The following GABRB1 variants were observed in gnomAD, a reference collection of about 807,000 sequenced individuals.
The protein encoded by GABRB1 is gamma-aminobutyric acid type A receptor subunit beta1.
A neutral mutation model predicts 51.6 loss-of-function variants in GABRB1; 17 were observed. The observed-to-expected ratio is 0.33, with a 90% CI of 0.23 to 0.49. GABRB1 has a LOEUF of 0.49. Among genes scored for constraint, GABRB1 ranks in the 20% least tolerant of loss-of-function variants. The probability of loss-of-function intolerance (pLI) is 0.99; values close to 1 mark genes in which losing one functional copy is unlikely to be tolerated. For missense variants in GABRB1, 410 were observed against 600.6 expected (o/e 0.68, Z 3.32); for synonymous variants, 247 against 218.9 (o/e 1.13, Z -1.14).
At position 47,125,102 on chromosome 4, in the gene GABRB1, G is replaced by A. The variant is rs559849188; in HGVS notation, c.241-36147G>A. Among the ~76,000 whole-genome samples, 187 of 152,222 alleles carry A rather than the reference G, an allele frequency of 1.2e-3. 1 individual carries two copies. Among genetic ancestry groups the A allele is most frequent in the African/African-American group, 3.8e-3 (158 of 41,546 alleles). On this transcript the variant is annotated intron_variant, in intron 3 of 8. Transcript: ENST00000295454. The stretch of plus-strand genomic sequence containing the variant: ...CAAGCAAGTAAAACACCACATAAAA[G>A]GGCATTTTCATGAGTCTATCGCAGA...
At chr4:47,128,412 T>C (rs573105156) in intron 3 of GABRB1, among the ~76,000 whole-genome samples, 16 of 151,970 alleles carry the variant, frequency 1.1e-4, no homozygotes, top group Non-Finnish European at 2.1e-4. Flanking sequence ...TAGAAAAACC[T>C]CTACCTAGAT....
intron 5 of GABRB1, among the ~76,000 whole-genome samples, chr4:47,390,299 C>A (rs951737404): frequency 1.2e-4 from 18 of 152,350 alleles, no homozygotes; most frequent in Admixed American, 1.0e-3. Flanking sequence ...TGGGTTACAA[C>A]TGCTCCACAA....
At chr4:47,052,085 G>T (rs184319190) in intron 3 of GABRB1, among the ~76,000 whole-genome samples, 27 of 152,212 alleles carry the variant, frequency 1.8e-4, no homozygotes, top group Admixed American at 7.9e-4. Context: ...AGCCGAGATT[G>T]TGCCACTGCA....
intron 4 of GABRB1, among the ~76,000 whole-genome samples, chr4:47,279,735 C>T (rs1445157643): frequency 6.6e-6 from 1 of 151,902 alleles, no homozygotes; most frequent in East Asian, 1.9e-4. Flanking sequence ...TCCCTCCTCC[C>T]CCAATTTTGG....
At chr4:47,235,347 G>A (rs920166115) in intron 4 of GABRB1, among the ~76,000 whole-genome samples, 10 of 152,122 alleles carry the variant, frequency 6.6e-5, no homozygotes, top group Non-Finnish European at 1.2e-4. Flanking sequence ...GTCAGAAGTT[G>A]AAGACCATCC....
chr4:47,335,251 C>T (rs970087683), intron 5 of GABRB1, among the ~76,000 whole-genome samples: 2 of 151,654 alleles, frequency 1.3e-5, no homozygotes, highest in African/African-American at 4.9e-5. Flanking sequence ...TGCATTCACT[C>T]AGTATCCAGT....
intron 4 of GABRB1, among the ~76,000 whole-genome samples, chr4:47,238,418 A>G (rs1721404755): frequency 6.6e-6 from 1 of 152,142 alleles, no homozygotes; most frequent in Non-Finnish European, 1.5e-5. Flanking sequence ...CTTTTAAATC[A>G]CTTCAGAGAA....
At chr4:47,203,738 A>G (rs1719998811) in intron 4 of GABRB1, among the ~76,000 whole-genome samples, 1 of 152,014 alleles carries the variant, frequency 6.6e-6, no homozygotes, top group Non-Finnish European at 1.5e-5. Context: ...ATTGCCATGC[A>G]TATTGATTTT....
intron 5 of GABRB1, among the ~76,000 whole-genome samples, chr4:47,353,147 G>C (rs112363710): frequency 6.6e-6 from 1 of 152,082 alleles, no homozygotes; most frequent in Non-Finnish European, 1.5e-5. Flanking sequence ...AACAGTATGG[G>C]GGAAACCACC....
intron 4 of GABRB1, among the ~76,000 whole-genome samples, chr4:47,230,022 T>C (rs568563616): frequency 2.6e-5 from 4 of 152,188 alleles, no homozygotes; most frequent in Non-Finnish European, 5.9e-5. Flanking sequence ...GGGTACTTTA[T>C]TGGGTTGTGC....
intron 5 of GABRB1, among the ~76,000 whole-genome samples, chr4:47,366,304 T>G (rs1189518843): frequency 6.6e-6 from 1 of 152,202 alleles, no homozygotes; most frequent in Non-Finnish European, 1.5e-5. Context: ...ATGTATTGTC[T>G]CTCACTCAGG....
rs1487534258 is a variant in GABRB1 at position 47,031,986 on chromosome 4, C to T, written c.153C>T (p.Arg51=). The change falls in exon 2 of 9, where the codon CGC becomes CGT. Residue 51 remains arginine (R), a synonymous_variant. Transcript: ENST00000295454. ...GATTGCTCAAAGGATATGACATTCG[C>T]TTGCGGCCGGACTTCGGAGGTAACG... ...VDRLLKGYDI[R]LRPDFGGPPV... The T allele has an allele frequency of 6.2e-7, 1 of 1,612,596 alleles. No homozygotes were observed. Among genetic ancestry groups the T allele is most frequent in the Admixed American group, 1.7e-5 (1 of 59,764 alleles).
intron 4 of GABRB1, among the ~76,000 whole-genome samples, chr4:47,251,581 G>T (rs1161994586): frequency 3.3e-5 from 5 of 152,128 alleles, no homozygotes; most frequent in Non-Finnish European, 4.4e-5. Context: ...TCAGAGCTAG[G>T]CATGTCTGAG....
intron 1 of GABRB1, among the ~76,000 whole-genome samples, chr4:47,001,214 C>A (rs1724170282): frequency 6.6e-6 from 1 of 152,128 alleles, no homozygotes; most frequent in Non-Finnish European, 1.5e-5. Flanking sequence ...GCGATCTGGG[C>A]TCACTGCAAG....
chr4:47,293,240 C>T (rs1337291551), intron 4 of GABRB1, among the ~76,000 whole-genome samples: 2 of 152,148 alleles, frequency 1.3e-5, no homozygotes, highest in Non-Finnish European at 2.9e-5. Flanking sequence ...CTCCCGGGTT[C>T]AAGTGATTCT....
At chr4:47,208,399 T>C (rs1253760424) in intron 4 of GABRB1, among the ~76,000 whole-genome samples, 2 of 152,034 alleles carry the variant, frequency 1.3e-5, no homozygotes, top group East Asian at 1.9e-4. Flanking sequence ...TTAAAAACTT[T>C]TGGAAATAGA....
At chr4:47,274,321 T>C (rs941315318) in intron 4 of GABRB1, among the ~76,000 whole-genome samples, 1 of 152,184 alleles carries the variant, frequency 6.6e-6, no homozygotes, top group Non-Finnish European at 1.5e-5. Flanking sequence ...ACAATGAATG[T>C]TAGCTGCATT....
chr4:47,205,739 G>C (rs568446573), intron 4 of GABRB1, among the ~76,000 whole-genome samples: 1 of 152,050 alleles, frequency 6.6e-6, no homozygotes, highest in South Asian at 2.1e-4. Flanking sequence ...ACTGAGTCAA[G>C]AAAGAGCTTC....
chr4:47,102,986 A>G (rs1025773102), intron 3 of GABRB1, among the ~76,000 whole-genome samples: 1 of 151,986 alleles, frequency 6.6e-6, no homozygotes, highest in Non-Finnish European at 1.5e-5. Flanking sequence ...GAAGATAAGG[A>G]TAATTTCTAG....
Sources: allele counts gnomAD v4.1 joint callset (sites outside exome capture counted in the v4.1 genomes callset), GRCh38; gene constraint gnomAD v4.1.1; transcripts MANE v1.5; gene names NCBI Gene and HGNC (gene_info 2026-07-23, HGNC 2026-07-21).